Variants in ADGRL2 observed in about 807,000 individuals in gnomAD.
ADGRL2 encodes the protein calcium-independent alpha-latrotoxin receptor 2.
ADGRL2 carries 44 observed loss-of-function variants against 157.4 expected under a neutral mutation model. The observed-to-expected ratio is 0.28, with a 90% CI of 0.22 to 0.36. The LOEUF is 0.36. Ranked by LOEUF, ADGRL2 falls within the 10% of genes least tolerant of loss-of-function variation. The pLI, the probability that ADGRL2 is intolerant of heterozygous loss-of-function variation, is 1.00. For missense variants in ADGRL2, 1,510 were observed against 1,768.9 expected, an observed-to-expected ratio of 0.85 and a Z score of 2.63; for synonymous variants, 585 against 624.7, an observed-to-expected ratio of 0.94 and a Z score of 0.95.
intron 2 of ADGRL2, among the ~76,000 whole-genome samples, chr1:81,446,452 C>T (rs973657187): frequency 3.3e-5 from 5 of 152,134 alleles, no homozygotes; most frequent in African/African-American, 1.2e-4. Context: ...TGACTTCATC[C>T]GCCCAGAAGA....
chr1:81,390,951 G>T (rs76618474), intron 1 of ADGRL2, among the ~76,000 whole-genome samples: 1 of 151,756 alleles, frequency 6.6e-6, no homozygotes. Context: ...CAGCTGCTGC[G>T]TCATGTATTT....
At chr1:81,674,555 TG>T (rs1393470364) in intron 3 of ADGRL2, among the ~76,000 whole-genome samples, 1 of 152,188 alleles carries the variant, frequency 6.6e-6, no homozygotes, top group African/African-American at 2.4e-5. Context: ...ACCAAATTGT[TG>T]CAATTAGGAG....
chr1:81,362,984 T>G (rs560336735), intron 1 of ADGRL2, among the ~76,000 whole-genome samples: 1 of 152,166 alleles, frequency 6.6e-6, no homozygotes, highest in South Asian at 2.1e-4. Context: ...CAGATACACA[T>G]GTATATCATC....
chr1:81,348,015 G>A (rs948310520), intron 1 of ADGRL2, among the ~76,000 whole-genome samples: 1 of 152,164 alleles, frequency 6.6e-6, no homozygotes, highest in African/African-American at 2.4e-5. Context: ...TCCCACCACA[G>A]GCCCAGAGGG....
chr1:81,619,955 G>A (rs1485502454), intron 3 of ADGRL2, among the ~76,000 whole-genome samples: 1 of 152,004 alleles, frequency 6.6e-6, no homozygotes, highest in Non-Finnish European at 1.5e-5. Context: ...AAAAAAAGAG[G>A]ATAGTAAGTA....
intron 2 of ADGRL2, among the ~76,000 whole-genome samples, chr1:81,767,644 G>A (rs1408742950): frequency 6.6e-6 from 1 of 152,020 alleles, no homozygotes; most frequent in African/African-American, 2.4e-5. Context: ...GGTCGAGGCA[G>A]GAGGATCACT....
upstream of ADGRL2, among the ~76,000 whole-genome samples, chr1:81,696,988 A>G (rs2083459615): frequency 6.6e-6 from 1 of 152,170 alleles, no homozygotes; most frequent in African/African-American, 2.4e-5. Flanking sequence ...AAGCAAACTA[A>G]TTTATGTTTT....
chr1:81,854,510 A>G (rs572063110), intron 2 of ADGRL2, among the ~76,000 whole-genome samples: 10 of 152,312 alleles, frequency 6.6e-5, no homozygotes, highest in African/African-American at 2.4e-4. Flanking sequence ...TGCTTATTAT[A>G]AAATTGGGAA....
At chr1:81,969,123 T>C in intron 14 of ADGRL2, 55 bp from the exon 15 acceptor site, 2 of 1,264,244 alleles carry the variant, frequency 1.6e-6, no homozygotes, top group Admixed American at 3.4e-5. Flanking sequence ...GCTGTCTTTC[T>C]TCTAGTTGAT....
chr1:81,361,309 A>G (rs2075974924), intron 1 of ADGRL2, among the ~76,000 whole-genome samples: 1 of 151,928 alleles, frequency 6.6e-6, no homozygotes, highest in Non-Finnish European at 1.5e-5. Flanking sequence ...TGTGCTTTTT[A>G]GAAAAGTAGT....
At chr1:81,467,726 C>G (rs1248775041) in intron 2 of ADGRL2, among the ~76,000 whole-genome samples, 1 of 151,988 alleles carries the variant, frequency 6.6e-6, no homozygotes, top group Non-Finnish European at 1.5e-5. Context: ...ACTTTTCACC[C>G]TTGATTGACA....
chr1:81,761,753 A>G (rs1443391388), intron 1 of ADGRL2: 1 of 151,980 alleles, frequency 6.6e-6, no homozygotes, highest in Non-Finnish European at 1.5e-5. Context: ...TACATTTGGC[A>G]GTTAGGATCC....
intron 2 of ADGRL2, among the ~76,000 whole-genome samples, chr1:81,854,631 A>ATGCAG (rs2093138946): frequency 1.3e-5 from 2 of 152,156 alleles, no homozygotes; most frequent in Non-Finnish European, 2.9e-5. Flanking sequence ...TGTGCTAGGT[A>ATGCAG]TGGGTATTAT....
chr1:81,904,104 T>C (rs1361931566), intron 2 of ADGRL2, among the ~76,000 whole-genome samples: 1 of 152,086 alleles, frequency 6.6e-6, no homozygotes, highest in East Asian at 1.9e-4. Flanking sequence ...TAATCACTAG[T>C]TTAATTCAAC....
Position 81,541,579 on chromosome 1 carries a change from G to T in ADGRL2, c.-247-39297G>T, listed in dbSNP as rs78624202. 0.014 allele frequency among the ~76,000 whole-genome samples: 2,060 copies of T among 152,220 alleles called. 250 individuals are homozygous for T. In the East Asian group the frequency reaches 0.29, roughly 21 times the overall value. On this transcript the variant is annotated intron_variant, in intron 2 of 24. Coordinates refer to the ADGRL2 transcript ENST00000370721. ...TGCTTTCTAGAAATTATAAGAAACT[G>T]ATTAAATTTCAAATAAGAAAGAAAG... is the stretch of plus-strand genomic sequence containing the variant.
chr1:81,672,774 T>TAA (rs11445144), intron 3 of ADGRL2, among the ~76,000 whole-genome samples: 1 of 152,052 alleles, frequency 6.6e-6, no homozygotes, highest in African/African-American at 2.4e-5. Context: ...TATTCTATGT[T>TAA]AAAAAAATAA....
At chr1:81,746,983 TGTATATAC>T (rs1219608688) in intron 1 of ADGRL2, among the ~76,000 whole-genome samples, 2 of 145,392 alleles carry the variant, frequency 1.4e-5, no homozygotes, top group Non-Finnish European at 3.0e-5. Flanking sequence ...TACACACGTG[TGTATATAC>T]GTATATACGT....
rs139876879 is a variant in ADGRL2 at position 81,310,171 on chromosome 1, C to T, written c.-302+3662C>T. ...AGCAATGCATGTTTAAACGGTCTGA[C>T]GGTGAAACATTGAATATAATTATCT... On this transcript the variant is annotated intron_variant, in intron 1 of 24. Transcript: ENST00000370721. Among the ~76,000 whole-genome samples the T allele has an allele frequency of 3.3e-3, 503 of 152,188 alleles. 9 individuals are homozygous for T. The highest frequency in any genetic ancestry group is 0.029 in the Admixed American group (449 of 15,270).
Position 81,527,873 on chromosome 1 carries a change from C to G in ADGRL2, c.-247-53003C>G, listed in dbSNP as rs553210543. Reference sequence around the variant, plus strand: ...ACGAGGTCAGGAGATCGAGACCATCCTGGCTAACACGGTGAAACCCCGTCT... The same window carrying G: ...ACGAGGTCAGGAGATCGAGACCATCGTGGCTAACACGGTGAAACCCCGTCT... On this transcript the variant is annotated intron_variant, in intron 2 of 24. Coordinates refer to the ADGRL2 transcript ENST00000370721. Among the ~76,000 whole-genome samples the G allele has an allele frequency of 2.6e-5, 4 of 152,130 alleles. No homozygotes were observed. In the South Asian group the frequency reaches 6.2e-4, roughly 24 times the overall value.
Sources: gnomAD v4.1 joint callset for allele counts (sites outside exome capture counted in the v4.1 genomes callset) on GRCh38, gnomAD v4.1.1 for gene constraint, MANE v1.5 for transcripts, NCBI Gene and HGNC (gene_info 2026-07-23, HGNC 2026-07-21) for gene names.